Variants in PPP2R5E observed in about 807,000 individuals in gnomAD.
The protein encoded by PPP2R5E is serine/threonine-protein phosphatase 2A 56 kDa regulatory subunit epsilon isoform.
In PPP2R5E, 4 loss-of-function variants were observed where a neutral mutation model predicts 65.3. That is an observed-to-expected ratio of 0.06 (90% CI 0.03 to 0.14). PPP2R5E has a LOEUF of 0.14. Ranked by LOEUF, PPP2R5E falls within the 10% of genes least tolerant of loss-of-function variation. The pLI is 1.00. For synonymous variants in PPP2R5E, 183 were observed against 187.4 expected (o/e 0.98, Z 0.19); for missense variants, 274 against 556.1 (o/e 0.49, Z 5.10).
At chr14:63,391,685 A>G (rs1318456795) in intron 10 of PPP2R5E, 132 bp downstream of exon 10, 2 of 950,746 alleles carry the variant, frequency 2.1e-6, no homozygotes, top group African/African-American at 3.4e-5. Context: ...GGCCTCCCAA[A>G]GTGCTGGGAT....
rs1566724713 is a variant in PPP2R5E, at chr14:63,467,234, ACAAAC to A, written c.158-13354_158-13350del. On this transcript the variant is annotated intron_variant, in intron 2 of 13. Transcript: ENST00000337537. ...CAAGACTCCGTCTCAAAAAAAACAA[ACAAAC>A]AAACAAAAAAAACACTATTTACAAC... Among the ~76,000 whole-genome samples, 43 of 131,332 alleles carry A rather than the reference ACAAAC, an allele frequency of 3.3e-4. 2 individuals are homozygous for A. Among genetic ancestry groups the A allele is most frequent in the African/African-American group, 7.3e-4 (19 of 25,916 alleles). 86.2% of individuals were successfully genotyped at this position (131,332 alleles called of 152,430 possible). A position where few individuals can be genotyped will look rare whatever the true frequency, so the allele number is the denominator to read the frequency against.
chr14:63,518,187 T>C (rs543644385), intron 2 of PPP2R5E, among the ~76,000 whole-genome samples: 1 of 152,246 alleles, frequency 6.6e-6, no homozygotes, highest in African/African-American at 2.4e-5. Context: ...GCAATCCTCC[T>C]GCCTCAGTCT....
chr14:63,410,811 AT>A (rs982410490), intron 5 of PPP2R5E, among the ~76,000 whole-genome samples: 5 of 152,176 alleles, frequency 3.3e-5, no homozygotes, highest in Admixed American at 6.5e-5. Context: ...CAAGCTCTCA[AT>A]GGTGGTGCTG....
At position 63,539,632 on chromosome 14, in the gene PPP2R5E, A is replaced by C; in HGVS notation, c.54T>G (p.Ser18=). Residue 18 remains serine, a synonymous_variant, in exon 2 of 14, where the codon TCT becomes TCG. Transcript: ENST00000337537. ...GTCTGGCTTTTCTGACGGACTTCCG[A>C]GAAAATCCGTCTACTTTATCCACTG... is the stretch of plus-strand genomic sequence containing the variant. ...PPSVDKVDGF[S]RKSVRKARQK... is the part of the protein sequence containing the mutation. 4 of 1,614,062 alleles carry C rather than the reference A, an allele frequency of 2.5e-6. No homozygotes were observed. The highest frequency in any genetic ancestry group is 3.4e-6 in the Non-Finnish European group (4 of 1,179,942).
intron 2 of PPP2R5E, among the ~76,000 whole-genome samples, chr14:63,506,221 C>T (rs1304247899): frequency 6.6e-6 from 1 of 152,052 alleles, no homozygotes; most frequent in African/African-American, 2.4e-5. Context: ...GAGGCCGCGG[C>T]GGGTGGATCA....
chr14:63,388,820 A>C (rs1359064787), intron 11 of PPP2R5E, among the ~76,000 whole-genome samples: 1 of 152,232 alleles, frequency 6.6e-6, no homozygotes, highest in South Asian at 2.1e-4. Flanking sequence ...CTGCGCTAAG[A>C]ACCACAGTCT....
intron 12 of PPP2R5E, among the ~76,000 whole-genome samples, chr14:63,383,234 T>G (rs1271715405): frequency 6.6e-6 from 1 of 152,206 alleles, no homozygotes; most frequent in African/African-American, 2.4e-5. Context: ...AAATATCCGT[T>G]GCTTCCGTTT....
chr14:63,472,692 G>C (rs1226344312), intron 2 of PPP2R5E, among the ~76,000 whole-genome samples: 5 of 152,208 alleles, frequency 3.3e-5, no homozygotes, highest in Non-Finnish European at 7.3e-5. Flanking sequence ...TTTTAGACAA[G>C]AACAGCACAG....
At position 63,371,933 on chromosome 14, in the gene PPP2R5E, G is replaced by T. The variant is rs929181536; in HGVS notation, c.*4076C>A. 2 of 152,050 alleles carry T rather than the reference G, an allele frequency of 1.3e-5. No homozygotes were observed. The highest frequency in any genetic ancestry group is 4.8e-5 in the African/African-American group (2 of 41,386). 9.4% of individuals were successfully genotyped at this position (152,050 alleles called of 1,614,324 possible). A position where few individuals can be genotyped will look rare whatever the true frequency, so the allele number is the denominator to read the frequency against. ...CTCATTATACTTCAATCAAAAATCA[G>T]ACAACAACCAGAAAATGCATTGGTA... On this transcript the variant is annotated 3_prime_UTR_variant, in exon 14 of 14. Transcript: ENST00000337537.
chr14:63,512,574 AT>A (rs1462360457), intron 2 of PPP2R5E, among the ~76,000 whole-genome samples: 1 of 152,088 alleles, frequency 6.6e-6, no homozygotes, highest in Non-Finnish European at 1.5e-5. Context: ...TTTTTAATTA[AT>A]TTTTTTAATG....
At chr14:63,434,244 A>C (rs1452948634) in intron 3 of PPP2R5E, among the ~76,000 whole-genome samples, 2 of 151,720 alleles carry the variant, frequency 1.3e-5, no homozygotes, top group Admixed American at 6.6e-5. Flanking sequence ...AACAGCAAAA[A>C]AACAAACAAA....
intron 11 of PPP2R5E, among the ~76,000 whole-genome samples, chr14:63,387,357 G>C (rs943524864): frequency 3.9e-5 from 6 of 152,172 alleles, no homozygotes; most frequent in African/African-American, 1.4e-4. Context: ...GAAAGGTATT[G>C]TTTATGCAAA....
chr14:63,509,521 G>A (rs544704424), intron 2 of PPP2R5E, among the ~76,000 whole-genome samples: 28 of 152,070 alleles, frequency 1.8e-4, no homozygotes, highest in East Asian at 7.7e-4. Flanking sequence ...TGATCCACCC[G>A]CCTTGGCCTC....
intron 4 of PPP2R5E, among the ~76,000 whole-genome samples, chr14:63,421,284 G>A (rs967264407): frequency 2.0e-5 from 3 of 152,034 alleles, no homozygotes; most frequent in Non-Finnish European, 4.4e-5. Flanking sequence ...CTATTCTTTT[G>A]AGAAATTTTG....
chr14:63,500,694 C>T (rs745483109), intron 2 of PPP2R5E, among the ~76,000 whole-genome samples: 2 of 151,930 alleles, frequency 1.3e-5, no homozygotes, highest in African/African-American at 2.4e-5. Context: ...GCAAGACTGC[C>T]GTCTCTACAA....
At chr14:63,425,511 G>A (rs899854603) in intron 3 of PPP2R5E, among the ~76,000 whole-genome samples, 2 of 152,112 alleles carry the variant, frequency 1.3e-5, no homozygotes, top group African/African-American at 2.4e-5. Context: ...TGAAAGGGGG[G>A]AAAAGGGGGC....
At chr14:63,389,004 G>A (rs1369015596) in intron 11 of PPP2R5E, among the ~76,000 whole-genome samples, 2 of 152,142 alleles carry the variant, frequency 1.3e-5, no homozygotes, top group Non-Finnish European at 2.9e-5. Context: ...TGCCCCGAGT[G>A]GCCACGAGGA....
At chr14:63,385,248 C>T (rs1884593876) in intron 11 of PPP2R5E, among the ~76,000 whole-genome samples, 1 of 152,012 alleles carries the variant, frequency 6.6e-6, no homozygotes, top group Non-Finnish European at 1.5e-5. Flanking sequence ...ACTGCTTGAG[C>T]CTGGGAGGCG....
intron 6 of PPP2R5E, 87 bp from the exon 7 acceptor site, chr14:63,395,372 G>C: frequency 4.0e-6 from 3 of 749,180 alleles, no homozygotes; most frequent in Non-Finnish European, 6.3e-6. Flanking sequence ...GAGGAGAAGG[G>C]GGAGGAGGAG....
Sources: gnomAD v4.1 joint callset for allele counts (sites outside exome capture counted in the v4.1 genomes callset) on GRCh38, gnomAD v4.1.1 for gene constraint, MANE v1.5 for transcripts, NCBI Gene and HGNC (gene_info 2026-07-23, HGNC 2026-07-21) for gene names.